The following PLCXD2 variants were observed in gnomAD, a reference collection of about 807,000 sequenced individuals.
PLCXD2 encodes PI-PLC X domain-containing protein 2.
In PLCXD2, 21 loss-of-function variants were observed where a neutral mutation model predicts 28.6. That is an observed-to-expected ratio of 0.73 (90% CI 0.52 to 1.06). The LOEUF (loss-of-function observed/expected upper bound fraction) is 1.06, where lower values mean the gene tolerates loss of function less well. Among genes scored for constraint, PLCXD2 ranks in the 50% least tolerant of loss-of-function variants. The probability of loss-of-function intolerance (pLI) is 0.00; values close to 1 mark genes in which losing one functional copy is unlikely to be tolerated. For synonymous variants in PLCXD2, 140 were observed against 150.1 expected (o/e 0.93, Z 0.49); for missense variants, 369 against 376.7 (o/e 0.98, Z 0.17).
chr3:111,714,887 T>C (rs1941248362), intron 3 of PLCXD2, among the ~76,000 whole-genome samples: 1 of 152,218 alleles, frequency 6.6e-6, no homozygotes, highest in Non-Finnish European at 1.5e-5. Context: ...TAACAGGGAA[T>C]CCCTTGCAAT....
At chr3:111,706,211 TTTGA>T (rs1232489375) in intron 1 of PLCXD2, among the ~76,000 whole-genome samples, 1 of 152,206 alleles carries the variant, frequency 6.6e-6, no homozygotes, top group African/African-American at 2.4e-5. Context: ...CTCTTTTTAA[TTTGA>T]TTATTTAGTT....
chr3:111,712,263 T>C (rs1435159117), intron 2 of PLCXD2, among the ~76,000 whole-genome samples: 1 of 152,044 alleles, frequency 6.6e-6, no homozygotes, highest in East Asian at 1.9e-4. Context: ...CAAGGCAGAG[T>C]AAAGAATGGC....
At chr3:111,716,826 G>A (rs1038640689) in intron 3 of PLCXD2, among the ~76,000 whole-genome samples, 1 of 152,140 alleles carries the variant, frequency 6.6e-6, no homozygotes, top group Non-Finnish European at 1.5e-5. Flanking sequence ...AAGTCAAAAC[G>A]AGGATATTAG....
chr3:111,698,252 C>G (rs1940990855), intron 1 of PLCXD2, among the ~76,000 whole-genome samples: 1 of 152,164 alleles, frequency 6.6e-6, no homozygotes, highest in Non-Finnish European at 1.5e-5. Flanking sequence ...TCACAACAGA[C>G]CAATGAAGTT....
chr3:111,709,549 T>G (rs1016160685), intron 2 of PLCXD2, among the ~76,000 whole-genome samples: 1 of 151,676 alleles, frequency 6.6e-6, no homozygotes, highest in Non-Finnish European at 1.5e-5. Context: ...TCAAGCATGG[T>G]GAGAGGGAAC....
At chr3:111,680,759 T>G (rs1385713207) in intron 1 of PLCXD2, among the ~76,000 whole-genome samples, 1 of 152,202 alleles carries the variant, frequency 6.6e-6, no homozygotes. Context: ...ATTTAAATAC[T>G]GATTCTGCCC....
chr3:111,689,531 C>T (rs1435762610), intron 1 of PLCXD2, among the ~76,000 whole-genome samples: 1 of 152,232 alleles, frequency 6.6e-6, no homozygotes, highest in Non-Finnish European at 1.5e-5. Context: ...CTTCGCTTTG[C>T]CTCGCCAATT....
chr3:111,702,143 A>G (rs1282440542), intron 1 of PLCXD2, among the ~76,000 whole-genome samples: 1 of 152,158 alleles, frequency 6.6e-6, no homozygotes, highest in East Asian at 1.9e-4. Flanking sequence ...AGATCCCTGG[A>G]AAACATTTAA....
chr3:111,705,132 A>G (rs1941099238), intron 1 of PLCXD2, among the ~76,000 whole-genome samples: 2 of 152,088 alleles, frequency 1.3e-5, no homozygotes, highest in South Asian at 4.2e-4. Flanking sequence ...ATAATTTTGT[A>G]TCTGCTAACC....
intron 1 of PLCXD2, among the ~76,000 whole-genome samples, chr3:111,700,697 A>C (rs562900633): frequency 6.6e-6 from 1 of 152,342 alleles, no homozygotes; most frequent in East Asian, 1.9e-4. Context: ...GTATAGACAG[A>C]CAATATACCT....
chr3:111,719,586 A>T (rs1217736513), intron 3 of PLCXD2, among the ~76,000 whole-genome samples: 1 of 152,260 alleles, frequency 6.6e-6, no homozygotes, highest in East Asian at 1.9e-4. Context: ...CTACTGATAC[A>T]TGCAGCAACG....
intron 1 of PLCXD2, among the ~76,000 whole-genome samples, chr3:111,707,311 T>C (rs952408040): frequency 2.6e-5 from 4 of 152,194 alleles, no homozygotes; most frequent in African/African-American, 9.6e-5. Context: ...CAATTTTTTA[T>C]ATATTTTAAA....
intron 1 of PLCXD2, among the ~76,000 whole-genome samples, chr3:111,696,491 T>C (rs1289566632): frequency 6.6e-6 from 1 of 152,234 alleles, no homozygotes; most frequent in Non-Finnish European, 1.5e-5. Flanking sequence ...TGACATTCAA[T>C]GCAATTTTAT....
chr3:111,710,256 T>G (rs1334892703), intron 2 of PLCXD2, among the ~76,000 whole-genome samples: 1 of 152,248 alleles, frequency 6.6e-6, no homozygotes, highest in Non-Finnish European at 1.5e-5. Flanking sequence ...TTGCTAAATA[T>G]TTATCACACC....
intron 1 of PLCXD2, among the ~76,000 whole-genome samples, chr3:111,677,856 A>C (rs1269438913): frequency 1.3e-5 from 2 of 152,364 alleles, no homozygotes; most frequent in East Asian, 3.9e-4. Context: ...ATATAGGTAG[A>C]TACATACATA....
intron 1 of PLCXD2, among the ~76,000 whole-genome samples, chr3:111,699,356 G>A (rs142852410): frequency 6.6e-6 from 1 of 152,252 alleles, no homozygotes; most frequent in East Asian, 1.9e-4. Flanking sequence ...TTCCCAAGAA[G>A]CCTGCTTTAA....
chr3:111,705,726 T>C (rs1482089272), intron 1 of PLCXD2, among the ~76,000 whole-genome samples: 1 of 152,054 alleles, frequency 6.6e-6, no homozygotes, highest in Non-Finnish European at 1.5e-5. Context: ...GATACCTCAT[T>C]GTGGTTTTGA....
chr3:111,724,616 G>T (rs550257531), intron 3 of PLCXD2: 1 of 152,152 alleles, frequency 6.6e-6, no homozygotes, highest in Non-Finnish European at 1.5e-5. Context: ...AATGCTAAAG[G>T]TGGAGCAACA....
intron 1 of PLCXD2, among the ~76,000 whole-genome samples, chr3:111,686,763 T>A (rs1468214110): frequency 6.6e-6 from 1 of 152,238 alleles, no homozygotes; most frequent in Non-Finnish European, 1.5e-5. Flanking sequence ...TATGCAGGCA[T>A]AAGTTTCAGG....
Sources: gnomAD v4.1 joint callset for allele counts (sites outside exome capture counted in the v4.1 genomes callset) on GRCh38, gnomAD v4.1.1 for gene constraint, MANE v1.5 for transcripts, NCBI Gene and HGNC (gene_info 2026-07-23, HGNC 2026-07-21) for gene names.